Variants in ARMC3 observed in about 807,000 individuals in gnomAD.
The protein encoded by ARMC3 is armadillo repeat-containing protein 3.
A neutral mutation model predicts 90.3 loss-of-function variants in ARMC3; 74 were observed. The observed-to-expected ratio is 0.82, with a 90% CI of 0.68 to 0.99. The LOEUF is 0.99. ARMC3 is among the 50% of genes least tolerant of loss of function. The pLI, the probability that ARMC3 is intolerant of heterozygous loss-of-function variation, is 0.00. For missense variants in ARMC3, 958 were observed against 1,042.8 expected, an observed-to-expected ratio of 0.92 and a Z score of 1.12; for synonymous variants, 334 against 361.8, an observed-to-expected ratio of 0.92 and a Z score of 0.87.
intron 10 of ARMC3, among the ~76,000 whole-genome samples, chr10:22,985,464 C>A (rs905257761): frequency 6.6e-6 from 1 of 152,170 alleles, no homozygotes; most frequent in Admixed American, 6.5e-5. Context: ...TGGCAGAGCT[C>A]TAACTTCCTC....
intron 7 of ARMC3, among the ~76,000 whole-genome samples, chr10:22,965,055 A>G (rs10828383): frequency 0.099 from 15,138 of 152,182 alleles, 871 homozygotes; most frequent in African/African-American, 0.15. Flanking sequence ...AGATATTAAG[A>G]ATTATATGTT....
intron 11 of ARMC3, among the ~76,000 whole-genome samples, chr10:23,000,993 C>A (rs918374194): frequency 3.9e-5 from 6 of 151,924 alleles, no homozygotes; most frequent in African/African-American, 1.5e-4. Context: ...AAGTTCTATC[C>A]AATTCTTTTC....
At chr10:22,929,639 C>T (rs1588795772) in intron 1 of ARMC3, among the ~76,000 whole-genome samples, 1 of 152,182 alleles carries the variant, frequency 6.6e-6, no homozygotes, top group South Asian at 2.1e-4. Flanking sequence ...CCTCCGCCTC[C>T]CGGCCTCAAG....
At chr10:23,025,408 A>G (rs778953046) in intron 16 of ARMC3, among the ~76,000 whole-genome samples, 2 of 152,198 alleles carry the variant, frequency 1.3e-5, no homozygotes, top group African/African-American at 2.4e-5. Flanking sequence ...TACAATAATC[A>G]TGATAAATCA....
chr10:22,930,402 GGTGTAT>G (rs1466025974), intron 1 of ARMC3, among the ~76,000 whole-genome samples: 2 of 152,134 alleles, frequency 1.3e-5, no homozygotes, highest in South Asian at 2.1e-4. Context: ...AGAATTTCCA[GGTGTAT>G]GTACTGATTG....
chr10:22,971,441 G>GTTTTT (rs766355258), intron 8 of ARMC3, among the ~76,000 whole-genome samples: 1 of 128,544 alleles, frequency 7.8e-6, no homozygotes, highest in African/African-American at 2.9e-5. Flanking sequence ...TATATTTTTA[G>GTTTTT]TTTTTTTTTT....
intron 10 of ARMC3, among the ~76,000 whole-genome samples, chr10:22,993,583 G>C (rs781456495): frequency 6.4e-4 from 98 of 152,180 alleles, no homozygotes; most frequent in Non-Finnish European, 1.2e-3. Context: ...GAGTTGATTC[G>C]AGTCAATTAA....
Position 22,981,441 on chromosome 10 carries a change from A to C in ARMC3, c.1018A>C (p.Ile340Leu). Reference protein sequence around the residue: ...DGTKIAASQAISAMCENSGSK... With the variant: ...DGTKIAASQALSAMCENSGSK... ...AACTAAAATTGCTGCTTCCCAAGCT[A>C]TTTCAGCAATGTGTGAGAATTCAGG... Residue 340 changes from isoleucine (I) to leucine (L), a missense_variant, in exon 9 of 19, where the codon ATT becomes CTT. Ile to Leu is a conservative substitution (Grantham distance 5, BLOSUM62 2). Transcript: ENST00000298032. 1 of 1,614,132 alleles carries C rather than the reference A, an allele frequency of 6.2e-7. No individual in the cohort carries two copies. The highest frequency in any genetic ancestry group is 8.5e-7 in the Non-Finnish European group (1 of 1,180,006).
chr10:22,986,155 A>T (rs972302412), intron 10 of ARMC3, among the ~76,000 whole-genome samples: 1 of 133,632 alleles, frequency 7.5e-6, no homozygotes, highest in African/African-American at 2.8e-5. Flanking sequence ...CCATGAAGGG[A>T]GCAGCCTTCA....
At chr10:22,947,864 G>T (rs933902743) in intron 3 of ARMC3, among the ~76,000 whole-genome samples, 1 of 152,014 alleles carries the variant, frequency 6.6e-6, no homozygotes, top group Non-Finnish European at 1.5e-5. Flanking sequence ...CTACTGAAAG[G>T]TTTATTCATA....
chr10:22,983,958 A>AT (rs1836297966), intron 10 of ARMC3, among the ~76,000 whole-genome samples: 1 of 152,214 alleles, frequency 6.6e-6, no homozygotes, highest in African/African-American at 2.4e-5. Context: ...GTAGCGGTCC[A>AT]TTCAATCATT....
At chr10:22,962,488 T>G (rs1247790599) in intron 7 of ARMC3, among the ~76,000 whole-genome samples, 1 of 152,196 alleles carries the variant, frequency 6.6e-6, no homozygotes. Flanking sequence ...GTCTGTGCCT[T>G]CTGGGATCTC....
chr10:22,965,788 T>C (rs1054218851), intron 7 of ARMC3, among the ~76,000 whole-genome samples: 49 of 152,246 alleles, frequency 3.2e-4, no homozygotes, highest in African/African-American at 1.2e-3. Context: ...ATCTGCCGTT[T>C]GGTCCACCTA....
At chr10:23,006,791 C>A (rs1837633406) in intron 13 of ARMC3, 93 bp from the exon 14 acceptor site, 1 of 1,013,166 alleles carries the variant, frequency 9.9e-7, no homozygotes, top group Non-Finnish European at 1.6e-6. Context: ...AAATGAGACA[C>A]CGCAAACAGC....
chr10:23,015,894 A>G (rs899871843), intron 16 of ARMC3, among the ~76,000 whole-genome samples: 1 of 152,200 alleles, frequency 6.6e-6, no homozygotes, highest in African/African-American at 2.4e-5. Context: ...AGCGCCTTCT[A>G]TGTGCCTGGA....
Position 22,981,470 on chromosome 10 carries a change from C to A in ARMC3, c.1047C>A (p.Ser349Arg). 1 of 1,613,808 alleles carries A rather than the reference C, an allele frequency of 6.2e-7. No individual in the cohort carries two copies. Among genetic ancestry groups the A allele is most frequent in the Non-Finnish European group, 8.5e-7 (1 of 1,179,958 alleles). Reference sequence around the variant, plus strand: ...CAGCAATGTGTGAGAATTCAGGCAGCAAAGATTTTTTCAATAATCAGGGTA... The same window carrying A: ...CAGCAATGTGTGAGAATTCAGGCAGAAAAGATTTTTTCAATAATCAGGGTA... ...AISAMCENSG[S>R]KDFFNNQGIP... Residue 349 changes from serine to arginine, a missense_variant, in exon 9 of 19, where the codon AGC becomes AGA. By Grantham distance (110) the Ser-to-Arg change is moderately radical. Transcript: ENST00000298032.
intron 2 of ARMC3, among the ~76,000 whole-genome samples, chr10:22,936,908 T>C (rs1001957435): frequency 6.6e-6 from 1 of 152,158 alleles, no homozygotes; most frequent in African/African-American, 2.4e-5. Context: ...CCATATTATC[T>C]TTTTTTCTTT....
chr10:22,938,795 C>T (rs1313193206), intron 2 of ARMC3, among the ~76,000 whole-genome samples: 1 of 151,936 alleles, frequency 6.6e-6, no homozygotes, highest in African/African-American at 2.4e-5. Context: ...GAAAGAAAAG[C>T]AAGCAAGCAA....
intron 16 of ARMC3, among the ~76,000 whole-genome samples, chr10:23,019,745 A>G (rs1838432598): frequency 6.6e-6 from 1 of 152,000 alleles, no homozygotes; most frequent in African/African-American, 2.4e-5. Context: ...AGGTTTCGCC[A>G]TGTTGCCCAG....
Sources: allele counts gnomAD v4.1 joint callset (sites outside exome capture counted in the v4.1 genomes callset), GRCh38; gene constraint gnomAD v4.1.1; transcripts MANE v1.5; gene names NCBI Gene and HGNC (gene_info 2026-07-23, HGNC 2026-07-21).